AGAP1: variants seen among roughly 807,000 people sequenced by gnomAD.
AGAP1 encodes the protein arf-GAP with GTPase, ANK repeat and PH domain-containing protein 1.
In AGAP1, 29 loss-of-function variants were observed where a neutral mutation model predicts 105.3. The observed-to-expected ratio is 0.28, with a 90% CI of 0.21 to 0.38. The LOEUF (loss-of-function observed/expected upper bound fraction) is 0.38. AGAP1 is among the 10% of genes least tolerant of loss of function. AGAP1 has a pLI of 1.00. For missense variants in AGAP1, 998 were observed against 1,165.1 expected (o/e 0.86, Z 2.09); for synonymous variants, 509 against 485.9 (o/e 1.05, Z -0.63).
rs980875053 is a variant in AGAP1, at chr2:235,637,403, A to C, written c.164-71776A>C. Among the ~76,000 whole-genome samples the C allele has an allele frequency of 2.6e-5, 4 of 151,630 alleles. No homozygotes were observed. The East Asian group carries it at 7.8e-4, about 29-fold the overall frequency. ...TCCTTCCACCTCAGCCCCGCAAGTG[A>C]CTAGGACCACAGGTGCATGCCACCA... is the stretch of plus-strand genomic sequence containing the variant. On this transcript the variant is annotated intron_variant, in intron 1 of 17. Transcript: ENST00000304032.
At chr2:235,558,824 TAGA>T (rs1239442620) in intron 1 of AGAP1, among the ~76,000 whole-genome samples, 1 of 152,010 alleles carries the variant, frequency 6.6e-6, no homozygotes, top group Non-Finnish European at 1.5e-5. Context: ...GTACTGTGGG[TAGA>T]AGGAGAGCAC....
Position 235,689,772 on chromosome 2 carries a change from G to T in AGAP1, c.164-19407G>T, listed in dbSNP as rs1949651911. 1.3e-5 allele frequency among the ~76,000 whole-genome samples: 2 copies of T among 152,234 alleles called. No homozygotes were observed. Among genetic ancestry groups the T allele is most frequent in the African/African-American group, 2.4e-5 (1 of 41,474 alleles). On this transcript the variant is annotated intron_variant, in intron 1 of 17. Transcript: ENST00000304032. The surrounding 1 kb of genome is among the most constrained non-coding windows in gnomAD (Gnocchi z 4.2). ...CCTGCATGTGTGTACGTGCACACTT[G>T]TGTGACGTGTCAGCTCGTGCCTGCA...
intron 12 of AGAP1, among the ~76,000 whole-genome samples, chr2:235,941,368 T>C (rs1008943143): frequency 6.6e-6 from 1 of 152,210 alleles, no homozygotes; most frequent in Admixed American, 6.5e-5. Context: ...CAAGTATTTA[T>C]TGACCACTTA....
intron 2 of AGAP1, among the ~76,000 whole-genome samples, chr2:235,715,761 C>T (rs192262131): frequency 4.6e-5 from 7 of 152,086 alleles, no homozygotes; most frequent in Non-Finnish European, 8.8e-5. Flanking sequence ...TTCCTTGATC[C>T]GTGCACACTG....
chr2:235,955,929 C>G (rs1472095515), intron 12 of AGAP1, among the ~76,000 whole-genome samples: 3 of 152,184 alleles, frequency 2.0e-5, no homozygotes, highest in Non-Finnish European at 4.4e-5. Flanking sequence ...AGGACACTTT[C>G]CTGTGCAGCA....
intron 1 of AGAP1, among the ~76,000 whole-genome samples, chr2:235,542,760 A>G (rs1943487968): frequency 6.6e-6 from 1 of 152,166 alleles, no homozygotes; most frequent in Non-Finnish European, 1.5e-5. Context: ...TAAGTAATAT[A>G]TGTGTATTTT....
rs2124917904 is a variant in AGAP1, at chr2:235,891,904, A to T, written c.1155+8455A>T. ...TGTGGTGGCTCACACCTGTAATCCC[A>T]GCACTTTGGGAGGCTGAGGTGGATG... On this transcript the variant is annotated intron_variant, in intron 10 of 17. Coordinates refer to ENST00000304032, the MANE Select transcript of AGAP1 (RefSeq NM_001037131.3). The surrounding 1 kb of genome is among the most constrained non-coding windows in gnomAD (Gnocchi z 4.2). Among the ~76,000 whole-genome samples, 1 of 152,298 alleles carries T rather than the reference A, an allele frequency of 6.6e-6. No individual in the cohort carries two copies. The highest frequency in any genetic ancestry group is 1.9e-4 in the East Asian group (1 of 5,154).
At chr2:235,542,470 G>A (rs936332211) in intron 1 of AGAP1, among the ~76,000 whole-genome samples, 7 of 152,142 alleles carry the variant, frequency 4.6e-5, no homozygotes, top group Non-Finnish European at 8.8e-5. Flanking sequence ...CTCCATCACC[G>A]AAAAAGAAAG....
chr2:235,949,175 T>C (rs1178517788), intron 12 of AGAP1, among the ~76,000 whole-genome samples: 1 of 152,180 alleles, frequency 6.6e-6, no homozygotes, highest in Non-Finnish European at 1.5e-5. Flanking sequence ...AGGCCCCTTC[T>C]TTCATACATG....
chr2:236,008,632 G>A (rs1233212111), intron 13 of AGAP1, among the ~76,000 whole-genome samples: 32 of 152,112 alleles, frequency 2.1e-4, no homozygotes, highest in Admixed American at 1.8e-3. Context: ...TACCTAATTG[G>A]AACTTCTGGT....
intron 9 of AGAP1, among the ~76,000 whole-genome samples, chr2:235,848,416 C>A (rs1180378352): frequency 6.6e-6 from 1 of 152,204 alleles, no homozygotes; most frequent in Non-Finnish European, 1.5e-5. Flanking sequence ...TCTCTTCTTT[C>A]TAACACTGGG....
chr2:235,516,749 G>T (rs956625721), intron 1 of AGAP1, among the ~76,000 whole-genome samples: 11 of 152,138 alleles, frequency 7.2e-5, no homozygotes, highest in Non-Finnish European at 1.6e-4. Flanking sequence ...TCAGCTCCCC[G>T]GCAGGCTTCA....
chr2:235,538,674 C>G (rs1464737654), intron 1 of AGAP1, among the ~76,000 whole-genome samples: 1 of 152,054 alleles, frequency 6.6e-6, no homozygotes, highest in Non-Finnish European at 1.5e-5. Context: ...CTGAACCATC[C>G]TCACTCATCT....
intron 15 of AGAP1, among the ~76,000 whole-genome samples, chr2:236,048,094 C>A (rs1032235990): frequency 6.6e-6 from 1 of 152,210 alleles, no homozygotes; most frequent in Non-Finnish European, 1.5e-5. Flanking sequence ...TTTGTTGACT[C>A]TTCAGGTGTG....
In AGAP1 at chr2:235,963,765, T is replaced by A. The variant is rs546339185; in HGVS notation, c.1484-4697T>A. ...ATATGGGAGTATATGCTCAGAACGG[T>A]CAAGCATAACTAAGGCGATAGTGAA... On this transcript the variant is annotated intron_variant, in intron 12 of 17. Transcript: ENST00000304032. The surrounding 1 kb of genome is among the most constrained non-coding windows in gnomAD (Gnocchi z 5.1). Among the ~76,000 whole-genome samples the A allele has an allele frequency of 6.6e-6, 1 of 152,196 alleles. No homozygotes were observed. Among genetic ancestry groups the A allele is most frequent in the African/African-American group, 2.4e-5 (1 of 41,518 alleles).
At chr2:235,681,033 G>T (rs1161547179) in intron 1 of AGAP1, among the ~76,000 whole-genome samples, 1 of 152,108 alleles carries the variant, frequency 6.6e-6, no homozygotes, top group Non-Finnish European at 1.5e-5. Context: ...TTTTTAGGCA[G>T]AGTGTCGCTC....
intron 16 of AGAP1, among the ~76,000 whole-genome samples, chr2:236,106,252 A>AG (rs1336484186): frequency 6.6e-6 from 1 of 152,236 alleles, no homozygotes; most frequent in African/African-American, 2.4e-5. Context: ...TTGAAGCCTA[A>AG]GGACCGTTGG....
chr2:235,984,470 C>CT (rs1349738058), intron 13 of AGAP1, among the ~76,000 whole-genome samples: 9,010 of 124,276 alleles, frequency 0.072, 968 homozygotes, highest in African/African-American at 0.25. Context: ...CCACCAAATT[C>CT]TTTTTTTTTT....
At position 236,114,651 on chromosome 2, in the gene AGAP1, G is replaced by C. The variant is rs908203681; in HGVS notation, c.2115-5541G>C. Among the ~76,000 whole-genome samples the C allele has an allele frequency of 3.3e-5, 5 of 152,180 alleles. No individual in the cohort carries two copies. The highest frequency in any genetic ancestry group is 7.4e-5 in the Non-Finnish European group (5 of 68,010). ...TTTCCTCCGGGTGTGCTCAGAGGGA[G>C]AGAGACATCACCAGTGTCTCGTCCT... On this transcript the variant is annotated intron_variant, in intron 16 of 17. Coordinates refer to ENST00000304032, the MANE Select transcript of AGAP1 (RefSeq NM_001037131.3). This position sits in a 1 kb window ranked among gnomAD's most constrained non-coding sequence, Gnocchi z 5.0.
Sources: gnomAD v4.1 joint callset for allele counts (sites outside exome capture counted in the v4.1 genomes callset) on GRCh38, gnomAD v4.1.1 for gene constraint, Gnocchi (gnomAD v3.1) non-coding constraint, MANE v1.5 for transcripts, NCBI Gene and HGNC (gene_info 2026-07-23, HGNC 2026-07-21) for gene names.